SMARCA5: variants seen among roughly 807,000 people sequenced by gnomAD.
SMARCA5 encodes the protein SNF2 related chromatin remodeling ATPase 5.
Under a neutral mutation model 140.4 loss-of-function variants are expected in SMARCA5, and 18 were observed. The ratio of observed to expected loss-of-function variants is 0.13; its 90% CI spans 0.09 to 0.19. SMARCA5 has a LOEUF of 0.19. SMARCA5 is among the 10% of genes least tolerant of loss of function. The pLI is 1.00. For synonymous variants in SMARCA5, 449 were observed against 419.6 expected (o/e 1.07, Z -0.86); for missense variants, 606 against 1,276.8 (o/e 0.47, Z 8.01).
chr4:143,524,004 A>G (rs761775145), intron 3 of SMARCA5, among the ~76,000 whole-genome samples: 1 of 152,044 alleles, frequency 6.6e-6, no homozygotes. Context: ...ACAATTTTAA[A>G]CATGTGGTTT....
At chr4:143,514,805 G>A (rs933701938) in intron 1 of SMARCA5, among the ~76,000 whole-genome samples, 11 of 152,150 alleles carry the variant, frequency 7.2e-5, no homozygotes, top group African/African-American at 2.7e-4. Context: ...GAATGAATTA[G>A]AGAACCAGGC....
intron 16 of SMARCA5, chr4:143,544,210 A>G (rs191222315): frequency 1.1e-5 from 3 of 264,174 alleles, no homozygotes; most frequent in Non-Finnish European, 2.1e-5. Flanking sequence ...AGTGAAATAT[A>G]TTCTTGTATG....
intron 8 of SMARCA5, 131 bp downstream of exon 8, chr4:143,528,845 A>G (rs1411778709): frequency 4.2e-6 from 3 of 710,298 alleles, no homozygotes; most frequent in Non-Finnish European, 6.5e-6. Flanking sequence ...TTATTTACAT[A>G]GTTAGCCTGG....
chr4:143,538,846 C>T lies in SMARCA5; in HGVS notation c.1678C>T (p.Arg560Cys), dbSNP rs778415632. 3 of 1,613,926 alleles carry T rather than the reference C, an allele frequency of 1.9e-6. No individual in the cohort carries two copies. The highest frequency in any genetic ancestry group is 2.5e-6 in the Non-Finnish European group (3 of 1,179,862). ...AAAGTTTGTTTTCATGTTAAGCACG[C>T]GTGCTGGTGGTCTTGGCATCAATCT... ...STKFVFMLST[R>C]AGGLGINLAT... Residue 560 changes from arginine to cysteine, a missense_variant, in exon 13 of 24, where the codon CGT (arginine) becomes TGT (cysteine). By Grantham distance (180) the Arg-to-Cys change is radical. Coordinates refer to ENST00000283131, the MANE Select transcript of SMARCA5 (RefSeq NM_003601.4).
intron 5 of SMARCA5, among the ~76,000 whole-genome samples, chr4:143,526,014 T>C (rs1390110534): frequency 6.6e-6 from 1 of 152,216 alleles, no homozygotes; most frequent in African/African-American, 2.4e-5. Flanking sequence ...TCAAAAGAAA[T>C]GTGTTTCAAT....
chr4:143,539,033 A>G (rs1737373010), intron 13 of SMARCA5, 95 bp downstream of exon 13: 1 of 1,096,614 alleles, frequency 9.1e-7, no homozygotes, highest in Non-Finnish European at 1.3e-6. Flanking sequence ...ACCCAATAGA[A>G]TTTTATTTTT....
At position 143,555,369 on chromosome 4, in the gene SMARCA5, C is replaced by T. The variant is rs1737726066; in HGVS notation, c.*2185C>T. 2.9e-6 allele frequency: 2 copies of T among 700,394 alleles called. No individual in the cohort carries two copies. The highest frequency in any genetic ancestry group is 3.6e-5 in the Admixed American group (2 of 56,090). 43.4% of individuals were successfully genotyped at this position (700,394 alleles called of 1,614,324 possible). ...CAATCCCCACTGCCACCATATCCAT[C>T]ACCACCACCATGGCTGCCACCAAAG... On this transcript the variant is annotated 3_prime_UTR_variant, in exon 24 of 24. Coordinates refer to ENST00000283131, the MANE Select transcript of SMARCA5 (RefSeq NM_003601.4).
chr4:143,526,331 T>C lies in SMARCA5; in HGVS notation c.672T>C (p.His224=). 6.2e-7 allele frequency: 1 copy of C among 1,614,010 alleles called. No individual in the cohort carries two copies. The highest frequency in any genetic ancestry group is 8.5e-7 in the Non-Finnish European group (1 of 1,179,906). Residue 224 remains histidine (H), a synonymous_variant, in exon 6 of 24, where the codon CAT becomes CAC. Transcript: ENST00000283131. The part of the protein sequence containing the change: ...QTISLLGYMK[H]YRNIPGPHMV... ...TTTCTCTTCTTGGGTACATGAAACA[T>C]TATAGAAACATTCCTGGGCCTCATA... is the stretch of plus-strand genomic sequence containing the variant.
At chr4:143,525,579 GT>G (rs1560813824) in intron 5 of SMARCA5, 28 bp downstream of exon 5, 2 of 1,378,600 alleles carry the variant, frequency 1.5e-6, no homozygotes, top group Admixed American at 3.4e-5. Context: ...TTTTTGAAGG[GT>G]ATGTTTTGTA....
intron 9 of SMARCA5, among the ~76,000 whole-genome samples, chr4:143,533,789 C>T (rs1373081999): frequency 6.6e-6 from 1 of 152,194 alleles, no homozygotes; most frequent in Non-Finnish European, 1.5e-5. Flanking sequence ...TTCTTAGGCA[C>T]TGTTAGACAG....
chr4:143,516,636 C>T (rs1405929825), intron 1 of SMARCA5, among the ~76,000 whole-genome samples: 2 of 152,164 alleles, frequency 1.3e-5, no homozygotes, highest in East Asian at 1.9e-4. Flanking sequence ...CGTACCAGAT[C>T]TCCTCCCCAC....
chr4:143,544,947 CTTTTTTTT>C, intron 17 of SMARCA5, 100 bp downstream of exon 17: 1 of 360,900 alleles, frequency 2.8e-6, no homozygotes, highest in Non-Finnish European at 4.9e-6. Context: ...TTTTGTGTTT[CTTTTTTTT>C]TTTTTTTTTT....
chr4:143,549,383 C>T (rs1049312041), intron 22 of SMARCA5, among the ~76,000 whole-genome samples: 1 of 152,092 alleles, frequency 6.6e-6, no homozygotes, highest in African/African-American at 2.4e-5. Context: ...CAGCAGCCGT[C>T]CGTGCAGATG....
At chr4:143,522,474 A>G (rs1578792558) in intron 3 of SMARCA5, among the ~76,000 whole-genome samples, 1 of 152,360 alleles carries the variant, frequency 6.6e-6, no homozygotes, top group East Asian at 1.9e-4. Flanking sequence ...AGTATCAACA[A>G]GGTTAAATTC....
chr4:143,533,498 C>CTTTTTTTTTTT (rs10580434), intron 9 of SMARCA5, among the ~76,000 whole-genome samples: 10 of 127,550 alleles, frequency 7.8e-5, no homozygotes, highest in African/African-American at 2.4e-4. Flanking sequence ...CTTGTCCATT[C>CTTTTTTTTTTT]TTTTTTTTTT....
intron 14 of SMARCA5, among the ~76,000 whole-genome samples, 154 bp from the exon 15 acceptor site, chr4:143,543,355 A>G (rs1245784362): frequency 6.6e-6 from 1 of 152,238 alleles, no homozygotes; most frequent in East Asian, 1.9e-4. Flanking sequence ...ATTTAGTGCA[A>G]AAATCAAAAT....
rs141284426 is a variant in SMARCA5 at position 143,539,593 on chromosome 4, A to G, written c.1770+655A>G. Among the ~76,000 whole-genome samples, 342 of 149,402 alleles carry G rather than the reference A, an allele frequency of 2.3e-3. 1 individual carries two copies. The highest frequency in any genetic ancestry group is 7.0e-3 in the African/African-American group (281 of 40,408). On this transcript the variant is annotated intron_variant, in intron 13 of 23. Transcript: ENST00000283131. ...CTCTTACTGCTCAGGCTGGGGTGCA[A>G]TGGTGCAGTCTTGGCTCACTGTGAC...
chr4:143,547,457 C>A lies in SMARCA5; in HGVS notation c.2726C>A (p.Ala909Glu). The change falls in exon 21 of 24, where the codon GCG becomes GAG. Residue 909 changes from alanine to glutamate, a missense_variant. By Grantham distance (107) the Ala-to-Glu change is moderately radical (BLOSUM62 -1). This residue lies in a region of SMARCA5 where 121 missense variants were observed against 227.1 expected (regional missense o/e 0.53). Transcript: ENST00000283131. ...ATGGCTCAGATTGAAAGGGGAGAGG[C>A]GAGAATTCAAAGAAGAATAAGCATC... ...KIMAQIERGE[A>E]RIQRRISIKK... is the part of the protein sequence containing the mutation. 6.2e-7 allele frequency: 1 copy of A among 1,608,772 alleles called. No individual in the cohort carries two copies. The highest frequency in any genetic ancestry group is 8.5e-7 in the Non-Finnish European group (1 of 1,175,890).
intron 5 of SMARCA5, 79 bp downstream of exon 5, chr4:143,525,630 C>G (rs952898781): frequency 1.5e-5 from 14 of 965,078 alleles, no homozygotes; most frequent in Non-Finnish European, 2.2e-5. Context: ...TTCTTACAGT[C>G]TACAACTGTT....
Sources: gnomAD v4.1 joint callset for allele counts (sites outside exome capture counted in the v4.1 genomes callset) on GRCh38, gnomAD v4.1.1 for gene constraint, gnomAD v4.1.1 regional missense constraint, MANE v1.5 for transcripts, NCBI Gene and HGNC (gene_info 2026-07-23, HGNC 2026-07-21) for gene names.